Variants in LRRC18 observed in about 807,000 individuals in gnomAD.
LRRC18 encodes the protein leucine-rich repeat-containing protein 18.
LRRC18 carries 12 observed loss-of-function variants against 11.2 expected under a neutral mutation model. The ratio of observed to expected loss-of-function variants is 1.07; its 90% CI spans 0.69 to 1.74. LRRC18 has a LOEUF of 1.74. Among genes scored for constraint, LRRC18 ranks in the 40% most tolerant of loss-of-function variants. LRRC18 has a pLI of 0.00. For missense variants in LRRC18, 374 were observed against 330.5 expected (o/e 1.13, Z -1.02); for synonymous variants, 155 against 130.6 (o/e 1.19, Z -1.27).
At chr10:48,910,842 C>T (rs1488100497) in intron 1 of LRRC18, 9 of 893,818 alleles carry the variant, frequency 1.0e-5, no homozygotes, top group Admixed American at 6.2e-5. Context: ...TGTGCTGCAG[C>T]GGGGAAGGGA....
the LRRC18 span, among the ~76,000 whole-genome samples, chr10:48,929,067 T>C: frequency 6.6e-6 from 1 of 152,128 alleles, no homozygotes. Context: ...AAGATGCGCT[T>C]TTTTAGAAAG....
chr10:48,931,813 T>C, the LRRC18 span, among the ~76,000 whole-genome samples: 135,190 of 152,068 alleles, frequency 0.89, 61,538 homozygotes, highest in East Asian at 1. Flanking sequence ...AGACACTGCC[T>C]CCAATAAGAG....
At chr10:48,922,121 A>C in the LRRC18 span, among the ~76,000 whole-genome samples, 1 of 152,174 alleles carries the variant, frequency 6.6e-6, no homozygotes, top group African/African-American at 2.4e-5. Flanking sequence ...CTTATCTGCT[A>C]TTTCCATTTC....
At chr10:48,922,685 C>T in the LRRC18 span, among the ~76,000 whole-genome samples, 2 of 152,078 alleles carry the variant, frequency 1.3e-5, no homozygotes, top group Non-Finnish European at 1.5e-5. Flanking sequence ...TGTGGGTAAG[C>T]GAGGACTGTG....
chr10:48,933,653 C>A, the LRRC18 span, among the ~76,000 whole-genome samples: 1 of 152,108 alleles, frequency 6.6e-6, no homozygotes, highest in African/African-American at 2.4e-5. Flanking sequence ...GTTCTAGGGG[C>A]TGAGATGAGT....
At chr10:48,930,021 C>T in the LRRC18 span, among the ~76,000 whole-genome samples, 1 of 152,014 alleles carries the variant, frequency 6.6e-6, no homozygotes, top group Non-Finnish European at 1.5e-5. Flanking sequence ...ATCCCCCATT[C>T]TCCTCCCCCA....
the LRRC18 span, among the ~76,000 whole-genome samples, chr10:48,927,272 G>A: frequency 1.3e-5 from 2 of 152,076 alleles, no homozygotes; most frequent in Non-Finnish European, 2.9e-5. Flanking sequence ...ATGCTAAGAG[G>A]TACATCATGC....
At chr10:48,914,018 A>T in exon 1 of LRRC18, 2 of 1,614,212 alleles carry the variant, frequency 1.2e-6, no homozygotes, top group South Asian at 2.2e-5. Context: ...TAAGGCGCAG[A>T]ATACACTTGG....
the LRRC18 span, among the ~76,000 whole-genome samples, chr10:48,919,375 G>T: frequency 6.6e-6 from 1 of 152,278 alleles, no homozygotes; most frequent in South Asian, 2.1e-4. Context: ...ATTTATTGAA[G>T]AAATGGAATT....
At chr10:48,923,506 A>ATATATATATATATATATGTATG in the LRRC18 span, among the ~76,000 whole-genome samples, 500 of 115,108 alleles carry the variant, frequency 4.3e-3, 62 homozygotes, top group East Asian at 0.045. Context: ...GTATATATAT[A>ATATATATATATATATATGTATG]TATATATGTC....
chr10:48,926,221 C>T, the LRRC18 span, among the ~76,000 whole-genome samples: 94,534 of 152,068 alleles, frequency 0.62, 30,216 homozygotes, highest in East Asian at 1. Context: ...CACTTCTGCA[C>T]AGGAGTTTAA....
the LRRC18 span, among the ~76,000 whole-genome samples, chr10:48,923,260 G>A: frequency 6.6e-6 from 1 of 151,820 alleles, no homozygotes; most frequent in Non-Finnish European, 1.5e-5. Context: ...TGCACTGGGG[G>A]GATGTTGTGT....
chr10:48,918,247 G>A (rs764849952), upstream of LRRC18, among the ~76,000 whole-genome samples: 2 of 152,162 alleles, frequency 1.3e-5, no homozygotes, highest in Non-Finnish European at 2.9e-5. Flanking sequence ...CTTACATTAA[G>A]TGAAAGTGAC....
At chr10:48,934,591 T>G in the LRRC18 span, among the ~76,000 whole-genome samples, 1 of 152,198 alleles carries the variant, frequency 6.6e-6, no homozygotes, top group South Asian at 2.1e-4. Flanking sequence ...GCTTAACCAC[T>G]TATTAGTGGG....
the LRRC18 span, among the ~76,000 whole-genome samples, chr10:48,938,199 A>T: frequency 6.6e-6 from 1 of 152,264 alleles, no homozygotes; most frequent in East Asian, 1.9e-4. Context: ...GCAAATAGGC[A>T]ACACAACATG....
chr10:48,936,204 A>G, the LRRC18 span, among the ~76,000 whole-genome samples: 1 of 152,264 alleles, frequency 6.6e-6, no homozygotes, highest in East Asian at 1.9e-4. Context: ...AGAAATAAAA[A>G]CAAAACAAAT....
chr10:48,912,612 C>A (rs989600776), intron 1 of LRRC18, among the ~76,000 whole-genome samples: 1 of 152,366 alleles, frequency 6.6e-6, no homozygotes, highest in Middle Eastern at 3.4e-3. Flanking sequence ...GACACGGCCC[C>A]TGCACCTAGC....
intron 1 of LRRC18, among the ~76,000 whole-genome samples, chr10:48,912,924 A>G (rs1838138055): frequency 6.6e-6 from 1 of 152,200 alleles, no homozygotes; most frequent in Non-Finnish European, 1.5e-5. Flanking sequence ...CCCAACACCA[A>G]GTGCTCATCT....
chr10:48,928,502 C>T, the LRRC18 span, among the ~76,000 whole-genome samples: 2 of 152,106 alleles, frequency 1.3e-5, no homozygotes, highest in Non-Finnish European at 2.9e-5. Flanking sequence ...CCTATTCAGA[C>T]CCTGCAGCCT....
Sources: gnomAD v4.1 joint callset for allele counts (sites outside exome capture counted in the v4.1 genomes callset) on GRCh38, gnomAD v4.1.1 for gene constraint, MANE v1.5 for transcripts, NCBI Gene and HGNC (gene_info 2026-07-23, HGNC 2026-07-21) for gene names.